The following HP1BP3 variants were observed in gnomAD, a reference collection of about 807,000 sequenced individuals.
HP1BP3 encodes the protein heterochromatin protein 1 binding protein 3.
In HP1BP3, 12 loss-of-function variants were observed where a neutral mutation model predicts 62.5. That is an observed-to-expected ratio of 0.19 (90% CI 0.12 to 0.31). The LOEUF (loss-of-function observed/expected upper bound fraction) is 0.31, where lower values mean the gene tolerates loss of function less well. Among genes scored for constraint, HP1BP3 ranks in the 10% least tolerant of loss-of-function variants. The probability of loss-of-function intolerance (pLI) is 1.00; values close to 1 mark genes in which losing one functional copy is unlikely to be tolerated. For missense variants in HP1BP3, 502 were observed against 651.8 expected, an observed-to-expected ratio of 0.77 and a Z score of 2.50; for synonymous variants, 260 against 237.8, an observed-to-expected ratio of 1.09 and a Z score of -0.86.
At chr1:20,767,185 G>A (rs1277977795) in intron 7 of HP1BP3, among the ~76,000 whole-genome samples, 4 of 151,704 alleles carry the variant, frequency 2.6e-5, no homozygotes, top group African/African-American at 4.8e-5. Flanking sequence ...GCACTGTGGC[G>A]AGTGCCTGTA....
rs1193671601 is a variant in HP1BP3 at position 20,744,739 on chromosome 1, C to A, written c.*58G>T. 3.5e-6 allele frequency: 5 copies of A among 1,446,298 alleles called. No individual in the cohort carries two copies. The highest frequency in any genetic ancestry group is 4.7e-6 in the Non-Finnish European group (5 of 1,065,220). The allele number at this position is 1,446,298 out of a possible 1,614,324, so 89.6% of individuals were successfully genotyped here. On this transcript the variant is annotated 3_prime_UTR_variant, in exon 13 of 13. Transcript: ENST00000438032. The stretch of plus-strand genomic sequence containing the variant: ...AGCATCAAAACTAAACAAATGCACA[C>A]TGACCTTAGAAAATAAGATTTTGAA...
chr1:20,764,639 TAA>T (rs1361995863), intron 8 of HP1BP3, among the ~76,000 whole-genome samples: 2 of 147,872 alleles, frequency 1.4e-5, no homozygotes, highest in African/African-American at 5.0e-5. Flanking sequence ...TGACAACATT[TAA>T]AAGAGTTACT....
intron 5 of HP1BP3, among the ~76,000 whole-genome samples, chr1:20,773,188 G>A (rs186062476): frequency 6.6e-6 from 1 of 152,056 alleles, no homozygotes; most frequent in Non-Finnish European, 1.5e-5. Flanking sequence ...AATAAAAACT[G>A]TACTTAATCG....
chr1:20,774,455 T>C (rs975104679), intron 4 of HP1BP3: 4 of 152,212 alleles, frequency 2.6e-5, no homozygotes, highest in Non-Finnish European at 4.4e-5. Context: ...CTGAAGATTA[T>C]AGCTAGAAGG....
intron 3 of HP1BP3, 26 bp downstream of exon 3, chr1:20,779,786 T>A: frequency 6.7e-7 from 1 of 1,503,316 alleles, no homozygotes; most frequent in South Asian, 1.2e-5. Context: ...TTTGATGTTT[T>A]AAGCTGTGTC....
intron 8 of HP1BP3, among the ~76,000 whole-genome samples, chr1:20,757,657 C>T (rs1307832068): frequency 6.6e-6 from 1 of 152,108 alleles, no homozygotes; most frequent in Non-Finnish European, 1.5e-5. Context: ...AGGTATGAGG[C>T]ACCACGCCTG....
intron 4 of HP1BP3, chr1:20,775,781 G>C (rs1426054018): frequency 4.0e-6 from 2 of 502,402 alleles, no homozygotes; most frequent in Non-Finnish European, 6.9e-6. Context: ...CAGGTTTGTA[G>C]CCTAGAAGCA....
At position 20,780,531 on chromosome 1, in the gene HP1BP3, A is replaced by G; in HGVS notation, c.-91T>C. 2.2e-6 allele frequency: 2 copies of G among 900,406 alleles called. No homozygotes were observed. Among genetic ancestry groups the G allele is most frequent in the Non-Finnish European group, 3.7e-6 (2 of 542,968 alleles). 55.8% of individuals were successfully genotyped at this position (900,406 alleles called of 1,614,324 possible). Reference sequence around the variant, plus strand: ...TTTTCCTAATGGTTTCAGTGTGGTGAAGAATCAACCTAAAGCACAGAAAAG... The same window carrying G: ...TTTTCCTAATGGTTTCAGTGTGGTGGAGAATCAACCTAAAGCACAGAAAAG... On this transcript the variant is annotated 5_prime_UTR_variant, in exon 2 of 13. Transcript: ENST00000438032.
In HP1BP3 at chr1:20,745,525, G is replaced by A; in HGVS notation, c.1367+18C>T. The A allele has an allele frequency of 6.2e-7, 1 of 1,613,202 alleles. No individual in the cohort carries two copies. The highest frequency in any genetic ancestry group is 8.5e-7 in the Non-Finnish European group (1 of 1,179,700). ...GTATTTAGTGTCCTCCCCACAAGGG[G>A]TTTTCACATGTCCACACCTTCTCTT... On this transcript the variant is annotated intron_variant, in intron 12 of 12. Coordinates refer to ENST00000438032, the MANE Select transcript of HP1BP3 (RefSeq NM_001372052.1).
At chr1:20,770,334 T>G (rs2057000008) in intron 6 of HP1BP3, among the ~76,000 whole-genome samples, 1 of 152,164 alleles carries the variant, frequency 6.6e-6, no homozygotes, top group Admixed American at 6.5e-5. Flanking sequence ...TTATTCCTTT[T>G]TGTTTTCAGA....
At chr1:20,770,357 C>G (rs1401092840) in intron 6 of HP1BP3, among the ~76,000 whole-genome samples, 1 of 152,216 alleles carries the variant, frequency 6.6e-6, no homozygotes, top group African/African-American at 2.4e-5. Context: ...GGGTCTCACT[C>G]TCACCGAGGC....
At chr1:20,750,375 AC>A (rs2055653776) in intron 9 of HP1BP3, 2 of 94,522 alleles carry the variant, frequency 2.1e-5, no homozygotes, top group East Asian at 2.8e-4. Context: ...ACACACACAC[AC>A]ACAAAATAGC....
At chr1:20,754,191 G>A (rs553917816) in intron 9 of HP1BP3, among the ~76,000 whole-genome samples, 3 of 152,220 alleles carry the variant, frequency 2.0e-5, no homozygotes, top group African/African-American at 7.2e-5. Context: ...CAAATCGATT[G>A]TATTTCTACA....
At chr1:20,786,769 T>C (rs1343915677) in intron 1 of HP1BP3, 1 of 150,928 alleles carries the variant, frequency 6.6e-6, no homozygotes, top group Non-Finnish European at 1.5e-5. Context: ...GGGAGTGGGG[T>C]GAGGGGAGGG....
At chr1:20,745,140 G>A (rs1051544749) in intron 12 of HP1BP3, 49 bp from the exon 13 acceptor site, 1 of 1,533,672 alleles carries the variant, frequency 6.5e-7, no homozygotes. Flanking sequence ...TAAGAGATTC[G>A]TTTTGTTGGG....
In HP1BP3 at chr1:20,745,019, T is replaced by C; in HGVS notation, c.1440A>G (p.Ala480=). The change falls in exon 13 of 13, where the codon GCA becomes GCG. Residue 480 remains alanine (A), a synonymous_variant. Transcript: ENST00000438032. ...ASVKQRGSKP[A]PKVSAAQRGK... Reference sequence around the variant, plus strand: ...CCCGCTGGGCAGCTGAGACTTTAGGTGCAGGTTTGGACCCTCTCTGCTTCA... The same window carrying C: ...CCCGCTGGGCAGCTGAGACTTTAGGCGCAGGTTTGGACCCTCTCTGCTTCA... 6.2e-7 allele frequency: 1 copy of C among 1,614,200 alleles called. No individual in the cohort carries two copies. Among genetic ancestry groups the C allele is most frequent in the Non-Finnish European group, 8.5e-7 (1 of 1,180,046 alleles).
At chr1:20,764,101 T>A (rs1428655789) in intron 8 of HP1BP3, among the ~76,000 whole-genome samples, 2 of 152,218 alleles carry the variant, frequency 1.3e-5, no homozygotes, top group Admixed American at 6.5e-5. Context: ...TATAATTTCA[T>A]TTGTGTAAAG....
rs1037765295 is a variant in HP1BP3, at chr1:20,763,027, G to A, written c.890+2350C>T. Among the ~76,000 whole-genome samples, 24 of 152,222 alleles carry A rather than the reference G, an allele frequency of 1.6e-4. 1 individual carries two copies. Among genetic ancestry groups the A allele is most frequent in the Non-Finnish European group, 2.4e-4 (16 of 68,002 alleles). ...TCGTGCCTTCCTGGCCGTAATGAGC[G>A]GGTTGTTTAAAACAACTGGTTGTTT... On this transcript the variant is annotated intron_variant, in intron 8 of 12. Coordinates refer to ENST00000438032, the MANE Select transcript of HP1BP3 (RefSeq NM_001372052.1).
intron 9 of HP1BP3, among the ~76,000 whole-genome samples, chr1:20,754,567 C>T (rs927960088): frequency 2.6e-5 from 4 of 151,930 alleles, no homozygotes; most frequent in Non-Finnish European, 5.9e-5. Flanking sequence ...CTTATAATTC[C>T]AAATTTCAAA....
Sources: allele counts gnomAD v4.1 joint callset (sites outside exome capture counted in the v4.1 genomes callset), GRCh38; gene constraint gnomAD v4.1.1; transcripts MANE v1.5; gene names NCBI Gene and HGNC (gene_info 2026-07-23, HGNC 2026-07-21).